Variants in GBF1 observed in about 807,000 individuals in gnomAD.
GBF1 encodes golgi brefeldin A resistant guanine nucleotide exchange factor 1.
GBF1 carries 114 observed loss-of-function variants against 210.5 expected under a neutral mutation model. The observed-to-expected ratio is 0.54, with a 90% CI of 0.47 to 0.63. GBF1 has a LOEUF of 0.63. GBF1 is among the 30% of genes least tolerant of loss of function. The probability of loss-of-function intolerance (pLI) is 0.00; values close to 1 mark genes in which losing one functional copy is unlikely to be tolerated. For missense variants in GBF1, 1,851 were observed against 2,357.7 expected (o/e 0.79, Z 4.45); for synonymous variants, 850 against 889.2 (o/e 0.96, Z 0.78).
intron 3 of GBF1, among the ~76,000 whole-genome samples, chr10:102,264,969 T>G (rs1273360712): frequency 6.6e-6 from 1 of 152,234 alleles, no homozygotes. Flanking sequence ...CTAAGAATCT[T>G]TTGGGGCTCT....
rs2060013329 is a variant in GBF1 at position 102,368,229 on chromosome 10, T to C, written c.2654T>C (p.Ile885Thr). ...DMYHAIKNEE[I>T]VMPEEQTGLV... The stretch of plus-strand genomic sequence containing the variant: ...TTACCTCCTGACAGGAATGAGGAAA[T>C]TGTAATGCCTGAGGAGCAGACAGGC... Residue 885 changes from isoleucine (I) to threonine (T), a missense_variant, in exon 22 of 40, where the codon ATT becomes ACT. This residue lies in a region of GBF1 where 80 missense variants were observed against 151.4 expected (regional missense o/e 0.53). Coordinates refer to ENST00000369983, the MANE Select transcript of GBF1 (RefSeq NM_001377137.1). 6.2e-7 allele frequency: 1 copy of C among 1,611,832 alleles called. No homozygotes were observed. The highest frequency in any genetic ancestry group is 8.5e-7 in the Non-Finnish European group (1 of 1,178,060).
chr10:102,284,911 C>T (rs1255533296), intron 3 of GBF1, among the ~76,000 whole-genome samples: 1 of 152,022 alleles, frequency 6.6e-6, no homozygotes, highest in Non-Finnish European at 1.5e-5. Flanking sequence ...TTTCCGCATC[C>T]TTACCAACAC....
chr10:102,370,567 T>G (rs2060150458), intron 28 of GBF1, 89 bp downstream of exon 28: 2 of 1,310,844 alleles, frequency 1.5e-6, no homozygotes, highest in African/African-American at 1.4e-5. Context: ...TCTGGGGAAC[T>G]GTAGGCAGCA....
chr10:102,291,536 AG>A (rs2076436890), intron 3 of GBF1, among the ~76,000 whole-genome samples: 1 of 152,184 alleles, frequency 6.6e-6, no homozygotes, highest in Admixed American at 6.5e-5. Flanking sequence ...GGACTTTTAG[AG>A]GAAATGTTAC....
chr10:102,316,562 C>T (rs1296947300), intron 3 of GBF1, among the ~76,000 whole-genome samples: 3 of 152,184 alleles, frequency 2.0e-5, no homozygotes, highest in Admixed American at 6.5e-5. Flanking sequence ...CCATTTAGGT[C>T]TTCAGTGAGT....
At chr10:102,373,811 C>T (rs966494353) in intron 29 of GBF1, among the ~76,000 whole-genome samples, 2 of 152,120 alleles carry the variant, frequency 1.3e-5, no homozygotes, top group Non-Finnish European at 1.5e-5. Flanking sequence ...CTTACTTTCT[C>T]ATAAAAACCT....
intron 3 of GBF1, among the ~76,000 whole-genome samples, chr10:102,334,757 G>A (rs2057602724): frequency 6.6e-6 from 1 of 152,036 alleles, no homozygotes; most frequent in African/African-American, 2.4e-5. Flanking sequence ...GCTGTGGCAG[G>A]AGAATTGCTT....
At chr10:102,290,005 G>A (rs1045960598) in intron 3 of GBF1, among the ~76,000 whole-genome samples, 2 of 152,058 alleles carry the variant, frequency 1.3e-5, no homozygotes, top group African/African-American at 2.4e-5. Context: ...CAGCTACTCA[G>A]GAGGCTGTGA....
At chr10:102,237,042 C>T in the GBF1 span, among the ~76,000 whole-genome samples, 1 of 152,118 alleles carries the variant, frequency 6.6e-6, no homozygotes, top group Non-Finnish European at 1.5e-5. Context: ...AGGGACGATT[C>T]GGGGATCAGA....
intron 17 of GBF1, 57 bp from the exon 18 acceptor site, chr10:102,365,339 TG>T: frequency 7.4e-7 from 1 of 1,348,962 alleles, no homozygotes; most frequent in Non-Finnish European, 1.1e-6. Flanking sequence ...GACTCCAGGC[TG>T]GCCTTGTCTA....
chr10:102,260,533 A>T (rs937662445), intron 3 of GBF1, among the ~76,000 whole-genome samples: 1 of 119,410 alleles, frequency 8.4e-6, no homozygotes, highest in Non-Finnish European at 1.6e-5. Context: ...GCTGGAGTGC[A>T]GTGTCATGAA....
chr10:102,237,826 G>A, the GBF1 span, among the ~76,000 whole-genome samples: 13 of 151,832 alleles, frequency 8.6e-5, no homozygotes, highest in Admixed American at 7.9e-4. Context: ...ACACCAGGAA[G>A]ATGGGCCCTG....
intron 29 of GBF1, 82 bp downstream of exon 29, chr10:102,370,942 CAG>C (rs2060173758): frequency 3.0e-6 from 4 of 1,317,672 alleles, no homozygotes; most frequent in African/African-American, 2.9e-5. Context: ...TGGCCTGAGA[CAG>C]AGAGTACATT....
At chr10:102,370,532 A>T (rs985911248) in intron 28 of GBF1, 54 bp downstream of exon 28, 23 of 1,441,814 alleles carry the variant, frequency 1.6e-5, no homozygotes, top group Non-Finnish European at 2.1e-5. Flanking sequence ...TGCCAAAGGG[A>T]TGGAAGCCAT....
At chr10:102,235,355 C>G in the GBF1 span, among the ~76,000 whole-genome samples, 1 of 152,058 alleles carries the variant, frequency 6.6e-6, no homozygotes, top group Non-Finnish European at 1.5e-5. Context: ...GGAGGAGGGG[C>G]AGAAAGTGCC....
chr10:102,330,691 A>G (rs1309413723), intron 3 of GBF1, among the ~76,000 whole-genome samples: 2 of 152,104 alleles, frequency 1.3e-5, no homozygotes, highest in African/African-American at 2.4e-5. Context: ...CATCTCAAAA[A>G]AAAAATAAAT....
chr10:102,265,713 A>ATG (rs2073791752), intron 3 of GBF1, among the ~76,000 whole-genome samples: 1 of 152,078 alleles, frequency 6.6e-6, no homozygotes, highest in Non-Finnish European at 1.5e-5. Context: ...GAATGAATGA[A>ATG]AGAAAGTATC....
intron 1 of GBF1, among the ~76,000 whole-genome samples, chr10:102,248,398 ATTTG>A (rs1329816524): frequency 1.3e-5 from 2 of 152,032 alleles, no homozygotes; most frequent in Non-Finnish European, 2.9e-5. Context: ...AGAAGTGATT[ATTTG>A]TTCTAGTAGT....
At position 102,332,387 on chromosome 10, in the gene GBF1, C is replaced by CTT. The variant is rs60505127; in HGVS notation, c.164-11652_164-11651dup. ...ACACAGAGGGTCAACTGTAATTTGCCTTTTTTTTTTTTTGAAACAGAGTCT... is the reference window on the plus strand; with the variant it reads ...ACACAGAGGGTCAACTGTAATTTGCCTTTTTTTTTTTTTTTGAAACAGAGTCT... On this transcript the variant is annotated intron_variant, in intron 3 of 39. Transcript: ENST00000369983. 4.1e-3 allele frequency among the ~76,000 whole-genome samples: 587 copies of CTT among 143,244 alleles called. 4 individuals are homozygous for CTT. The highest frequency in any genetic ancestry group is 0.012 in the African/African-American group (457 of 38,842). 94.0% of individuals were successfully genotyped at this position (143,244 alleles called of 152,430 possible).
Sources: gnomAD v4.1 joint callset for allele counts (sites outside exome capture counted in the v4.1 genomes callset) on GRCh38, gnomAD v4.1.1 for gene constraint, gnomAD v4.1.1 regional missense constraint, MANE v1.5 for transcripts, NCBI Gene and HGNC (gene_info 2026-07-23, HGNC 2026-07-21) for gene names.